Variants in MBD2 observed in about 807,000 individuals in gnomAD.
MBD2 encodes methyl-CpG-binding domain protein 2.
MBD2 carries 9 observed loss-of-function variants against 39.3 expected under a neutral mutation model. That is an observed-to-expected ratio of 0.23 (90% confidence interval 0.14 to 0.40). The LOEUF (loss-of-function observed/expected upper bound fraction) is 0.40. Among genes scored for constraint, MBD2 ranks in the 10% least tolerant of loss-of-function variants. The pLI, the probability that MBD2 is intolerant of heterozygous loss-of-function variation, is 1.00. For synonymous variants in MBD2, 233 were observed against 211.1 expected (o/e 1.10, Z -0.90); for missense variants, 458 against 532.6 (o/e 0.86, Z 1.38).
At chr18:54,176,697 G>T (rs552274635) in intron 3 of MBD2, among the ~76,000 whole-genome samples, 1 of 152,276 alleles carries the variant, frequency 6.6e-6, no homozygotes, top group East Asian at 1.9e-4. Flanking sequence ...GTTATGGTCA[G>T]CAAAAACAAC....
rs368493573 is a variant in MBD2, at chr18:54,163,164, C to T, written c.1109+1359G>A. 5.3e-4 allele frequency among the ~76,000 whole-genome samples: 81 copies of T among 152,116 alleles called. 1 individual carries two copies. In the South Asian group the frequency reaches 0.014, roughly 25 times the overall value. ...GCGCTCGCCTGTAGTCCCAGCTACT[C>T]GGGCGGCTGAGGCAGGAGAATTGCT... On this transcript the variant is annotated intron_variant, in intron 5 of 6. Transcript: ENST00000256429.
At chr18:54,188,467 C>T (rs994752146) in intron 3 of MBD2, among the ~76,000 whole-genome samples, 2 of 152,070 alleles carry the variant, frequency 1.3e-5, no homozygotes, top group African/African-American at 4.8e-5. Flanking sequence ...TTTCACAAAA[C>T]AAGAAATCAG....
At chr18:54,223,962 T>C (rs1158455797) in intron 1 of MBD2, 56 bp downstream of exon 1, 13 of 1,441,390 alleles carry the variant, frequency 9.0e-6, no homozygotes, top group Admixed American at 2.0e-5. Context: ...AGGCCCGCTC[T>C]TGACCCCTGA....
In MBD2 at chr18:54,214,079, TC is replaced by T. The variant is rs528886112; in HGVS notation, c.543-8923del. 2.0e-4 allele frequency among the ~76,000 whole-genome samples: 30 copies of T among 151,140 alleles called. No homozygotes were observed. In the South Asian group the frequency reaches 6.0e-3, roughly 30 times the overall value. On this transcript the variant is annotated intron_variant, in intron 1 of 6. Transcript: ENST00000256429. ...CTCTTTGGGACTATAATAATGACTG[TC>T]ATTACTTCACTATACTCTTCTATAT...
intron 3 of MBD2, among the ~76,000 whole-genome samples, chr18:54,167,056 T>C (rs991620075): frequency 1.3e-5 from 2 of 151,038 alleles, no homozygotes; most frequent in African/African-American, 2.4e-5. Context: ...TCCTCATGCC[T>C]CATCTCTTTT....
chr18:54,198,437 G>A (rs954374590), intron 2 of MBD2, among the ~76,000 whole-genome samples: 4 of 152,210 alleles, frequency 2.6e-5, no homozygotes, highest in Non-Finnish European at 5.9e-5. Flanking sequence ...ACACAAGGCT[G>A]GATGCTGTGG....
chr18:54,196,662 C>G (rs1306988955), intron 2 of MBD2, among the ~76,000 whole-genome samples: 1 of 152,138 alleles, frequency 6.6e-6, no homozygotes, highest in Admixed American at 6.6e-5. Context: ...TCTGTTAACA[C>G]CTGGGCATAC....
intron 2 of MBD2, among the ~76,000 whole-genome samples, chr18:54,197,846 T>G (rs1298526939): frequency 6.6e-6 from 1 of 152,214 alleles, no homozygotes; most frequent in African/African-American, 2.4e-5. Context: ...TACTCAACAG[T>G]GGCCCACACT....
rs2086032871 is a variant in MBD2 at position 54,153,302 on chromosome 18, G to A, written c.*2022C>T. ...TTGCTTTTACCAGAGTGAGGGAATG[G>A]AAGAGGGTGGTAGGTTTGTGGGGAC... On this transcript the variant is annotated 3_prime_UTR_variant, in exon 7 of 7. Transcript: ENST00000256429. 1 of 152,290 alleles carries A rather than the reference G, an allele frequency of 6.6e-6. No individual in the cohort carries two copies. Among genetic ancestry groups the A allele is most frequent in the African/African-American group, 2.4e-5 (1 of 41,434 alleles). The allele number at this position is 152,290 out of a possible 1,614,324, so 9.4% of individuals were successfully genotyped here.
chr18:54,204,616 C>T (rs1284071939), intron 2 of MBD2, among the ~76,000 whole-genome samples: 1 of 152,270 alleles, frequency 6.6e-6, no homozygotes, highest in South Asian at 2.1e-4. Context: ...TTCTCAAAAT[C>T]TGAACCTGAA....
chr18:54,189,671 G>A lies in MBD2; in HGVS notation c.703-660C>T, dbSNP rs145089601. ...TGGGGTTTTGCTTGTTTGTTTAGGG[G>A]CAGGGTCTCACTCTGTTGCCCAGAC... On this transcript the variant is annotated intron_variant, in intron 2 of 6. Transcript: ENST00000256429. 9.6e-3 allele frequency among the ~76,000 whole-genome samples: 1,462 copies of A among 151,816 alleles called. 20 individuals carry two copies. Among genetic ancestry groups the A allele is most frequent in the African/African-American group, 0.034 (1,401 of 41,414 alleles).
chr18:54,199,653 G>A (rs1020627155), intron 2 of MBD2, among the ~76,000 whole-genome samples: 10 of 152,114 alleles, frequency 6.6e-5, no homozygotes, highest in African/African-American at 2.4e-4. Context: ...TCTGCCCCAA[G>A]TGACCAAAGC....
chr18:54,183,235 T>C (rs1481186616), intron 3 of MBD2, among the ~76,000 whole-genome samples: 1 of 152,196 alleles, frequency 6.6e-6, no homozygotes, highest in Non-Finnish European at 1.5e-5. Flanking sequence ...GACTTCCAAG[T>C]GAACAATGTT....
At position 54,152,323 on chromosome 18, in the gene MBD2, C is replaced by CA. The variant is rs1028304402; in HGVS notation, c.*3000dup. ...AGGCCCAAGGGGCACTTCAAAGAAG[C>CA]AAGTAAAGAGGTTTTTCTTGAGCTG... On this transcript the variant is annotated 3_prime_UTR_variant, in exon 7 of 7. Coordinates refer to ENST00000256429, the MANE Select transcript of MBD2 (RefSeq NM_003927.5). The CA allele has an allele frequency of 6.0e-4, 92 of 152,332 alleles. No individual in the cohort carries two copies. The highest frequency in any genetic ancestry group is 6.8e-3 in the Middle Eastern group (2 of 294). The allele number at this position is 152,332 out of a possible 1,614,324, so 9.4% of individuals were successfully genotyped here. A position where few individuals can be genotyped will look rare whatever the true frequency, so the allele number is the denominator to read the frequency against.
intron 2 of MBD2, among the ~76,000 whole-genome samples, chr18:54,204,554 T>C (rs1233450064): frequency 1.3e-5 from 2 of 152,180 alleles, no homozygotes; most frequent in African/African-American, 4.8e-5. Context: ...TAGGATATTA[T>C]TCAAAAAGTC....
intron 1 of MBD2, among the ~76,000 whole-genome samples, chr18:54,219,782 C>T (rs1242664950): frequency 2.6e-5 from 4 of 151,968 alleles, no homozygotes. Flanking sequence ...TAGTCTTTAG[C>T]AACAAATGGC....
At chr18:54,164,178 G>C (rs1599075612) in intron 5 of MBD2, among the ~76,000 whole-genome samples, 1 of 152,312 alleles carries the variant, frequency 6.6e-6, no homozygotes, top group East Asian at 1.9e-4. Context: ...GAGCCACTGT[G>C]TCTGGCAGAA....
chr18:54,154,621 C>T lies in MBD2; in HGVS notation c.*703G>A, dbSNP rs2086040539. ...AGGCAAGGAAAAAAAATTACACATG[C>T]TAGGTGATATTTAGCAGAAATTCTT... On this transcript the variant is annotated 3_prime_UTR_variant, in exon 7 of 7. Coordinates refer to ENST00000256429, the MANE Select transcript of MBD2 (RefSeq NM_003927.5). 1 of 152,166 alleles carries T rather than the reference C, an allele frequency of 6.6e-6. No individual in the cohort carries two copies. The highest frequency in any genetic ancestry group is 2.4e-5 in the African/African-American group (1 of 41,438). 9.4% of individuals were successfully genotyped at this position (152,166 alleles called of 1,614,324 possible).
At chr18:54,209,463 A>T (rs1193652131) in intron 1 of MBD2, among the ~76,000 whole-genome samples, 1 of 152,248 alleles carries the variant, frequency 6.6e-6, no homozygotes, top group Non-Finnish European at 1.5e-5. Flanking sequence ...GTAAATTCTT[A>T]TTCATAATGA....
Sources: gnomAD v4.1 joint callset for allele counts (sites outside exome capture counted in the v4.1 genomes callset) on GRCh38, gnomAD v4.1.1 for gene constraint, MANE v1.5 for transcripts, NCBI Gene and HGNC (gene_info 2026-07-23, HGNC 2026-07-21) for gene names.